The following SPINK9 variants were observed in gnomAD, a reference collection of about 807,000 sequenced individuals.
SPINK9 encodes the protein serine protease inhibitor Kazal-type 9.
In SPINK9, 3 loss-of-function variants were observed where a neutral mutation model predicts 10.8. That is an observed-to-expected ratio of 0.28 (90% CI 0.13 to 0.72). The LOEUF (loss-of-function observed/expected upper bound fraction) is 0.72. Ranked by LOEUF, SPINK9 falls within the 30% of genes least tolerant of loss-of-function variation. The probability of loss-of-function intolerance (pLI) is 0.74; values close to 1 mark genes in which losing one functional copy is unlikely to be tolerated. For synonymous variants in SPINK9, 30 were observed against 31.2 expected (o/e 0.96, Z 0.12); for missense variants, 101 against 103.2 (o/e 0.98, Z 0.09).
chr5:148,327,777 G>T (rs1254023979), intron 2 of SPINK9, among the ~76,000 whole-genome samples: 1 of 151,770 alleles, frequency 6.6e-6, no homozygotes, highest in Non-Finnish European at 1.5e-5. Context: ...TTTCCCCATT[G>T]CTTGTTTTTG....
At chr5:148,334,572 G>A (rs1757190823), upstream of SPINK9, among the ~76,000 whole-genome samples, 1 of 152,090 alleles carries the variant, frequency 6.6e-6, no homozygotes, top group Non-Finnish European at 1.5e-5. Flanking sequence ...TTAGCCAGGT[G>A]TGGTGGCATG....
chr5:148,323,539 A>C, intron 1 of SPINK9: 1 of 385,998 alleles, frequency 2.6e-6, no homozygotes, highest in South Asian at 6.1e-5. Flanking sequence ...TATTTCTTAC[A>C]ATGACATATA....
intron 1 of SPINK9, 36 bp downstream of exon 1, chr5:148,335,704 A>T (rs376077766): frequency 1.9e-6 from 3 of 1,605,182 alleles, no homozygotes; most frequent in Non-Finnish European, 2.6e-6. Flanking sequence ...CTGCCCTTGT[A>T]CTAATAGCTC....
intron 2 of SPINK9, among the ~76,000 whole-genome samples, chr5:148,325,455 T>G (rs1293307262): frequency 6.6e-6 from 1 of 152,128 alleles, no homozygotes; most frequent in Non-Finnish European, 1.5e-5. Flanking sequence ...CTTTTTTATC[T>G]TAACCATCCT....
chr5:148,331,676 C>T (rs1404536241), upstream of SPINK9, among the ~76,000 whole-genome samples: 1 of 152,042 alleles, frequency 6.6e-6, no homozygotes, highest in Non-Finnish European at 1.5e-5. Flanking sequence ...ATATGTTAAC[C>T]AGATTTGATC....
At chr5:148,339,494 T>C (rs2113426586) in intron 3 of SPINK9, among the ~76,000 whole-genome samples, 173 bp from the exon 4 acceptor site, 1 of 152,272 alleles carries the variant, frequency 6.6e-6, no homozygotes, top group South Asian at 2.1e-4. Context: ...GCATCATCCT[T>C]ATATAATCAG....
At chr5:148,335,139 T>C (rs1024585034), upstream of SPINK9, among the ~76,000 whole-genome samples, 3 of 152,230 alleles carry the variant, frequency 2.0e-5, no homozygotes, top group African/African-American at 7.2e-5. Flanking sequence ...CAGAGTTTTC[T>C]CATAGTCACT....
chr5:148,329,221 G>C (rs558022492), intron 2 of SPINK9, among the ~76,000 whole-genome samples: 287 of 152,176 alleles, frequency 1.9e-3, no homozygotes, highest in Non-Finnish European at 3.1e-3. Context: ...ACTTCTTCCT[G>C]GTTTAGTCTT....
chr5:148,325,475 G>C (rs1757047070), intron 2 of SPINK9, among the ~76,000 whole-genome samples: 1 of 151,976 alleles, frequency 6.6e-6, no homozygotes, highest in African/African-American at 2.4e-5. Flanking sequence ...TAATGGATGG[G>C]GAGTGATAAC....
chr5:148,338,635 T>G, intron 3 of SPINK9, 30 bp downstream of exon 3: 1 of 1,491,882 alleles, frequency 6.7e-7, no homozygotes. Flanking sequence ...CTTTTTCATA[T>G]TTAAGGTAAA....
exon 1 of SPINK9, chr5:148,321,342 A>C (rs4529184): frequency 6.6e-6 from 1 of 151,662 alleles, no homozygotes. Context: ...GCCAAGGCTC[A>C]AGAACTACAT....
At chr5:148,338,104 A>C (rs1434285047) in intron 2 of SPINK9, among the ~76,000 whole-genome samples, 1 of 152,136 alleles carries the variant, frequency 6.6e-6, no homozygotes, top group Non-Finnish European at 1.5e-5. Flanking sequence ...TTTTCAGTGA[A>C]AGACAGAAAT....
At chr5:148,326,431 G>A (rs981193224) in intron 2 of SPINK9, among the ~76,000 whole-genome samples, 1 of 152,128 alleles carries the variant, frequency 6.6e-6, no homozygotes, top group African/African-American at 2.4e-5. Flanking sequence ...TCAACGAGAT[G>A]TCTGCATTTC....
intron 2 of SPINK9, among the ~76,000 whole-genome samples, 192 bp downstream of exon 2, chr5:148,336,645 G>A (rs545124436): frequency 6.6e-6 from 1 of 152,292 alleles, no homozygotes; most frequent in East Asian, 1.9e-4. Flanking sequence ...TGAGACACTA[G>A]CAACAAATTT....
Position 148,338,554 on chromosome 5 carries a change from G to C in SPINK9, c.164G>C (p.Gly55Ala). The stretch of plus-strand genomic sequence containing the variant: ...CATCATATGTATGATCCAATTTGTG[G>C]ATCTGATGGCAAAACTTATAAAAAT... The part of the protein sequence containing the change: ...FCHHMYDPIC[G>A]SDGKTYKNDC... The change falls in exon 3 of 4, where the codon GGA becomes GCA. Residue 55 changes from glycine to alanine, a missense_variant. Transcript: ENST00000377906. 6.2e-7 allele frequency: 1 copy of C among 1,606,246 alleles called. No homozygotes were observed. Among genetic ancestry groups the C allele is most frequent in the Admixed American group, 1.7e-5 (1 of 59,736 alleles).
intron 2 of SPINK9, among the ~76,000 whole-genome samples, chr5:148,330,102 G>C (rs541039367): frequency 1.3e-5 from 2 of 152,094 alleles, no homozygotes; most frequent in African/African-American, 4.8e-5. Flanking sequence ...GTTGACAGTG[G>C]GGTGTTAAAG....
upstream of SPINK9, among the ~76,000 whole-genome samples, chr5:148,334,885 C>T (rs890501726): frequency 6.6e-6 from 1 of 152,108 alleles, no homozygotes. Flanking sequence ...GGATAAATAG[C>T]TTGTACAAGG....
chr5:148,336,413 T>C lies in SPINK9; in HGVS notation c.56-9T>C, dbSNP rs1048756415. Reference sequence around the variant, plus strand: ...GTTTAATATTGCCTTGTCTTTGTTTTTCTTCCAGGTATAGAATGTGCCAAA... The same window carrying C: ...GTTTAATATTGCCTTGTCTTTGTTTCTCTTCCAGGTATAGAATGTGCCAAA... On this transcript the variant is annotated splice_polypyrimidine_tract_variant and intron_variant, in intron 1 of 3. Coordinates refer to ENST00000377906, the MANE Select transcript of SPINK9 (RefSeq NM_001040433.2). 6.2e-7 allele frequency: 1 copy of C among 1,613,436 alleles called. No homozygotes were observed. The highest frequency in any genetic ancestry group is 8.5e-7 in the Non-Finnish European group (1 of 1,179,550).
Position 148,323,794 on chromosome 5 carries a change from C to T in SPINK9, c.44C>T (p.Thr15Ile), listed in dbSNP as rs762937860. 1.1e-4 allele frequency: 79 copies of T among 701,062 alleles called. 1 individual carries two copies. Among genetic ancestry groups the T allele is most frequent in the Middle Eastern group, 6.8e-4 (3 of 4,386 alleles). 43.4% of individuals were successfully genotyped at this position (701,062 alleles called of 1,614,324 possible). A position where few individuals can be genotyped will look rare whatever the true frequency, so the allele number is the denominator to read the frequency against. The change falls in exon 2 of 5, where the codon ACT becomes ATT. Residue 15 changes from threonine to isoleucine, a missense_variant. Transcript: ENST00000511717. ...TCTCATCATTGTTTTCATTATAAAACTCCACCAAGCAGCTCAGGAGAACAC... is the reference window on the plus strand; with the variant it reads ...TCTCATCATTGTTTTCATTATAAAATTCCACCAAGCAGCTCAGGAGAACAC...
Sources: gnomAD v4.1 joint callset for allele counts (sites outside exome capture counted in the v4.1 genomes callset) on GRCh38, gnomAD v4.1.1 for gene constraint, MANE v1.5 for transcripts, NCBI Gene and HGNC (gene_info 2026-07-23, HGNC 2026-07-21) for gene names.